Variants in TMEM182 observed in about 807,000 individuals in gnomAD.
The protein encoded by TMEM182 is transmembrane protein 182.
A neutral mutation model predicts 26.8 loss-of-function variants in TMEM182; 20 were observed. The observed-to-expected ratio is 0.75, with a 90% CI of 0.53 to 1.09. TMEM182 has a LOEUF of 1.09. Ranked by LOEUF, TMEM182 falls within the 50% of genes least tolerant of loss-of-function variation. The pLI is 0.00. For synonymous variants in TMEM182, 109 were observed against 102.2 expected (o/e 1.07, Z -0.40); for missense variants, 277 against 275.5 (o/e 1.01, Z -0.04).
intron 1 of TMEM182, among the ~76,000 whole-genome samples, chr2:102,747,135 C>T (rs1679723545): frequency 6.6e-6 from 1 of 152,148 alleles, no homozygotes; most frequent in African/African-American, 2.4e-5. Context: ...TTTATTTTTT[C>T]CTTTTTTTGG....
chr2:102,842,555 A>G (rs2104784924), intron 3 of TMEM182, among the ~76,000 whole-genome samples: 1 of 152,246 alleles, frequency 6.6e-6, no homozygotes, highest in South Asian at 2.1e-4. Context: ...CCAGAATGGC[A>G]TGGCACTACC....
At chr2:102,767,520 C>T (rs946310658) in intron 3 of TMEM182, among the ~76,000 whole-genome samples, 5 of 152,162 alleles carry the variant, frequency 3.3e-5, no homozygotes, top group Admixed American at 3.3e-4. Context: ...GACAATTCAA[C>T]CCTGAGAGAA....
Position 102,817,119 on chromosome 2 carries a change from T to C in TMEM182, c.*2151T>C. 7.1e-6 allele frequency: 7 copies of C among 985,422 alleles called. No individual in the cohort carries two copies. The highest frequency in any genetic ancestry group is 8.4e-6 in the Non-Finnish European group (7 of 829,918). The allele number at this position is 985,422 out of a possible 1,614,324, so 61.0% of individuals were successfully genotyped here. A position where few individuals can be genotyped will look rare whatever the true frequency, so the allele number is the denominator to read the frequency against. On this transcript the variant is annotated 3_prime_UTR_variant, in exon 5 of 5. Transcript: ENST00000412401. Reference sequence around the variant, plus strand: ...ACCCTCTGAAGGAATGAAGGAGAGTTGTGATTGCTATGTCAATGAGTGAAA... The same window carrying C: ...ACCCTCTGAAGGAATGAAGGAGAGTCGTGATTGCTATGTCAATGAGTGAAA...
chr2:102,755,956 C>T (rs184536558), intron 1 of TMEM182, among the ~76,000 whole-genome samples: 257 of 152,206 alleles, frequency 1.7e-3, no homozygotes, highest in African/African-American at 5.7e-3. Flanking sequence ...AGAGTGTTGC[C>T]GTTAACACTT....
At chr2:102,842,263 ATT>A (rs1683367382) in intron 3 of TMEM182, among the ~76,000 whole-genome samples, 1 of 152,048 alleles carries the variant, frequency 6.6e-6, no homozygotes, top group African/African-American at 2.4e-5. Context: ...TCTCTGCATT[ATT>A]TATTCCGATT....
At chr2:102,766,130 G>T (rs1193719379) in intron 3 of TMEM182, among the ~76,000 whole-genome samples, 1 of 152,182 alleles carries the variant, frequency 6.6e-6, no homozygotes, top group African/African-American at 2.4e-5. Context: ...ATGAGGTCCT[G>T]TGATAAGATA....
intron 4 of TMEM182, among the ~76,000 whole-genome samples, chr2:102,802,781 G>A (rs1048867569): frequency 6.6e-6 from 1 of 152,222 alleles, no homozygotes; most frequent in Non-Finnish European, 1.5e-5. Flanking sequence ...TGTGAAATGA[G>A]TAAGGATGTG....
At chr2:102,750,578 C>T (rs567070546) in intron 1 of TMEM182, among the ~76,000 whole-genome samples, 7 of 152,138 alleles carry the variant, frequency 4.6e-5, no homozygotes, top group Non-Finnish European at 8.8e-5. Flanking sequence ...AAGGTCTTTC[C>T]GGGTATTCAA....
At chr2:102,768,159 C>T (rs2732844) in intron 3 of TMEM182, among the ~76,000 whole-genome samples, 36,458 of 152,050 alleles carry the variant, frequency 0.24, 4,450 homozygotes, top group South Asian at 0.28. Flanking sequence ...ATTATTTACT[C>T]ATGTAATTAT....
chr2:102,827,503 T>C (rs1005156264), intron 3 of TMEM182, among the ~76,000 whole-genome samples: 3 of 152,226 alleles, frequency 2.0e-5, no homozygotes, highest in Admixed American at 2.0e-4. Flanking sequence ...CCCTCCAGTC[T>C]GGGTTTCTGT....
rs528768202 is a variant in TMEM182, at chr2:102,797,103, A to G, written c.332-760A>G. On this transcript the variant is annotated intron_variant, in intron 3 of 4. Coordinates refer to ENST00000412401, the MANE Select transcript of TMEM182 (RefSeq NM_144632.5). Reference sequence around the variant, plus strand: ...ATTACCATATATCACCAAACCTACTATTTCTTACCAGCTGTTTCCATTAAT... The same window carrying G: ...ATTACCATATATCACCAAACCTACTGTTTCTTACCAGCTGTTTCCATTAAT... Among the ~76,000 whole-genome samples the G allele has an allele frequency of 1.4e-3, 216 of 152,218 alleles. 1 individual carries two copies. The highest frequency in any genetic ancestry group is 2.6e-3 in the Non-Finnish European group (174 of 67,998).
chr2:102,745,306 A>G (rs1679659447), intron 1 of TMEM182, among the ~76,000 whole-genome samples: 1 of 152,074 alleles, frequency 6.6e-6, no homozygotes. Flanking sequence ...TCTGTTGAAG[A>G]TACCTATCTG....
At chr2:102,801,352 G>C (rs978828354) in intron 4 of TMEM182, among the ~76,000 whole-genome samples, 2 of 152,156 alleles carry the variant, frequency 1.3e-5, no homozygotes, top group African/African-American at 4.8e-5. Context: ...AACAAAGACA[G>C]CTCTTGAACT....
intron 1 of TMEM182, among the ~76,000 whole-genome samples, chr2:102,748,148 TA>T (rs1679771885): frequency 6.6e-6 from 1 of 152,156 alleles, no homozygotes; most frequent in South Asian, 2.1e-4. Context: ...GGATTGGGAG[TA>T]ACTTTCCGTG....
intron 1 of TMEM182, among the ~76,000 whole-genome samples, chr2:102,752,845 A>T (rs887987725): frequency 3.3e-5 from 5 of 152,234 alleles, no homozygotes; most frequent in African/African-American, 1.2e-4. Context: ...TTAAGACTCA[A>T]GTCATTGCAC....
chr2:102,738,592 AAATAAT>A (rs529758466), intron 1 of TMEM182, among the ~76,000 whole-genome samples: 1 of 152,142 alleles, frequency 6.6e-6, no homozygotes, highest in Non-Finnish European at 1.5e-5. Flanking sequence ...CTCTGTGTAA[AAATAAT>A]AATAATAAAA....
chr2:102,833,917 T>C (rs1186118617), intron 3 of TMEM182, among the ~76,000 whole-genome samples: 1 of 152,202 alleles, frequency 6.6e-6, no homozygotes, highest in African/African-American at 2.4e-5. Context: ...TAACATATCC[T>C]ATTTCTGGTG....
chr2:102,779,781 G>A (rs957496760), intron 3 of TMEM182, among the ~76,000 whole-genome samples: 5 of 151,702 alleles, frequency 3.3e-5, no homozygotes, highest in Non-Finnish European at 5.9e-5. Context: ...TGGATCACCC[G>A]AAGTCAGGAG....
downstream of TMEM182, among the ~76,000 whole-genome samples, chr2:102,818,240 A>G (rs891637441): frequency 3.3e-5 from 5 of 152,214 alleles, no homozygotes; most frequent in Admixed American, 2.6e-4. Context: ...GAAGGAGTTA[A>G]ATATATGGAG....
Sources: allele counts gnomAD v4.1 joint callset (sites outside exome capture counted in the v4.1 genomes callset), GRCh38; gene constraint gnomAD v4.1.1; transcripts MANE v1.5; gene names NCBI Gene and HGNC (gene_info 2026-07-23, HGNC 2026-07-21).